TNFRSF21: variants seen among roughly 807,000 people sequenced by gnomAD.
TNFRSF21 encodes the protein TNF receptor superfamily member 21, also known as tumor necrosis factor receptor superfamily member 21.
In TNFRSF21, 19 loss-of-function variants were observed where a neutral mutation model predicts 45.6. The ratio of observed to expected loss-of-function variants is 0.42; its 90% CI spans 0.29 to 0.61. The LOEUF is 0.61. Ranked by LOEUF, TNFRSF21 falls within the 20% of genes least tolerant of loss-of-function variation. TNFRSF21 has a pLI of 0.23. For synonymous variants in TNFRSF21, 314 were observed against 335.5 expected (o/e 0.94, Z 0.70); for missense variants, 737 against 851.5 (o/e 0.87, Z 1.67).
At position 47,286,385 on chromosome 6, in the gene TNFRSF21, T is replaced by G; in HGVS notation, c.307A>C (p.Ile103Leu). 1 of 1,614,240 alleles carries G rather than the reference T, an allele frequency of 6.2e-7. No individual in the cohort carries two copies. Among genetic ancestry groups the G allele is most frequent in the Non-Finnish European group, 8.5e-7 (1 of 1,180,044 alleles). Residue 103 changes from isoleucine to leucine, a missense_variant, in exon 2 of 6, where the codon ATA becomes CTA. By Grantham distance (5) the Ile-to-Leu change is conservative. Coordinates refer to ENST00000296861, the MANE Select transcript of TNFRSF21 (RefSeq NM_014452.5). ...TGACTACAGTCATGGCATTTCTCTA[T>G]GCCATTCTCATGCCTGGTAAAGGTC... ...VGTFTRHENG[I>L]EKCHDCSQPC...
In TNFRSF21 at chr6:47,294,138, T is replaced by TTTTTG. The variant is rs749335487; in HGVS notation, c.97-7548_97-7544dup. On this transcript the variant is annotated intron_variant, in intron 1 of 5. Transcript: ENST00000296861. ...GGTTGCTAAAGATGAGTGCACAGGT[T>TTTTTG]TTTTGTTTTGTTTTGTTTTGTTTTG... 5.3e-5 allele frequency among the ~76,000 whole-genome samples: 8 copies of TTTTTG among 152,038 alleles called. No individual in the cohort carries two copies. In the South Asian group the frequency reaches 6.2e-4, roughly 12 times the overall value.
intron 1 of TNFRSF21, among the ~76,000 whole-genome samples, chr6:47,302,028 G>T (rs1471110371): frequency 6.6e-6 from 1 of 152,128 alleles, no homozygotes; most frequent in East Asian, 1.9e-4. Flanking sequence ...CAATGGTCTT[G>T]TCCCAAAGGT....
At chr6:47,244,674 G>A (rs1764799703) in intron 4 of TNFRSF21, among the ~76,000 whole-genome samples, 1 of 152,088 alleles carries the variant, frequency 6.6e-6, no homozygotes, top group South Asian at 2.1e-4. Context: ...ATTTCAGCCT[G>A]TCCTGTGAAA....
chr6:47,270,247 G>T (rs1014830640), intron 3 of TNFRSF21, among the ~76,000 whole-genome samples: 1 of 152,130 alleles, frequency 6.6e-6, no homozygotes, highest in Non-Finnish European at 1.5e-5. Flanking sequence ...GGGGCCAACA[G>T]ACACCTCATA....
chr6:47,244,034 T>C (rs1446539938), intron 4 of TNFRSF21, among the ~76,000 whole-genome samples: 1 of 152,178 alleles, frequency 6.6e-6, no homozygotes, highest in Admixed American at 6.5e-5. Flanking sequence ...GTTTAAAAAG[T>C]CTTCAGGCTG....
intron 3 of TNFRSF21, among the ~76,000 whole-genome samples, chr6:47,282,121 C>T (rs1448505961): frequency 6.6e-6 from 1 of 152,142 alleles, no homozygotes; most frequent in African/African-American, 2.4e-5. Context: ...CAAGGTGGCT[C>T]ACACCTGTAA....
intron 3 of TNFRSF21, among the ~76,000 whole-genome samples, chr6:47,263,850 T>C (rs183461190): frequency 2.6e-5 from 4 of 152,250 alleles, no homozygotes; most frequent in Admixed American, 6.5e-5. Flanking sequence ...AAGAGTGGTA[T>C]GTCTCACAAT....
chr6:47,247,874 T>C (rs933769405), intron 4 of TNFRSF21, among the ~76,000 whole-genome samples: 3 of 152,210 alleles, frequency 2.0e-5, no homozygotes, highest in African/African-American at 7.2e-5. Flanking sequence ...AATTCTATTA[T>C]ATAGAAATCA....
rs185742668 is a variant in TNFRSF21, at chr6:47,255,329, T to G, written c.1244-1808A>C. On this transcript the variant is annotated intron_variant, in intron 3 of 5. Coordinates refer to ENST00000296861, the MANE Select transcript of TNFRSF21 (RefSeq NM_014452.5). ...TTGGTGTCTCTCTGTTTATGGCGTC[T>G]TCTCTCTGCAATTACACATTGGCTT... Among the ~76,000 whole-genome samples the G allele has an allele frequency of 3.2e-4, 49 of 152,376 alleles. 1 individual carries two copies. The East Asian group carries it at 8.9e-3, about 28-fold the overall frequency.
In TNFRSF21 at chr6:47,245,078, T is replaced by C. The variant is rs541440827; in HGVS notation, c.1509+8178A>G. Among the ~76,000 whole-genome samples the C allele has an allele frequency of 2.0e-5, 3 of 152,300 alleles. No individual in the cohort carries two copies. The East Asian group carries it at 5.8e-4, about 29-fold the overall frequency. ...TTCTGATTTCCTCCCAATGCACTTT[T>C]TGAGAAAGCCAGGAAGGGTGTAGAT... On this transcript the variant is annotated intron_variant, in intron 4 of 5. Coordinates refer to ENST00000296861, the MANE Select transcript of TNFRSF21 (RefSeq NM_014452.5).
At chr6:47,237,714 C>G (rs188548516) in intron 4 of TNFRSF21, among the ~76,000 whole-genome samples, 6 of 152,242 alleles carry the variant, frequency 3.9e-5, no homozygotes, top group Non-Finnish European at 5.9e-5. Context: ...CACGGTGACT[C>G]ACACCTATTT....
Position 47,253,478 on chromosome 6 carries a change from C to T in TNFRSF21, c.1287G>A (p.Gln429=). Residue 429 remains glutamine, a synonymous_variant, in exon 4 of 6, where the codon CAG becomes CAA. Coordinates refer to ENST00000296861, the MANE Select transcript of TNFRSF21 (RefSeq NM_014452.5). The part of the protein sequence containing the change: ...LKLVAAQVGS[Q]WKDIYQFLCN... ...AAAGAAACTGATAGATATCTTTCCACTGGCTTCCCACTTGGGCTGCTACAA... is the reference window on the plus strand; with the variant it reads ...AAAGAAACTGATAGATATCTTTCCATTGGCTTCCCACTTGGGCTGCTACAA... 1 of 1,613,742 alleles carries T rather than the reference C, an allele frequency of 6.2e-7. No homozygotes were observed.
rs34093099 is a variant in TNFRSF21, at chr6:47,232,624, AACACACACACAC to A, written c.*129_*140del. 46 of 563,296 alleles carry A rather than the reference AACACACACACAC, an allele frequency of 8.2e-5. No homozygotes were observed. Among genetic ancestry groups the A allele is most frequent in the South Asian group, 1.2e-4 (5 of 43,246 alleles). 34.9% of individuals were successfully genotyped at this position (563,296 alleles called of 1,614,324 possible). ...CAAGCACTGGCCATATTCTCTGTTA[AACACACACACAC>A]ACACACACACACACACACACACAAA... On this transcript the variant is annotated 3_prime_UTR_variant, in exon 6 of 6. Transcript: ENST00000296861.
At chr6:47,260,793 G>T (rs369593979) in intron 3 of TNFRSF21, among the ~76,000 whole-genome samples, 2 of 152,280 alleles carry the variant, frequency 1.3e-5, no homozygotes, top group East Asian at 3.9e-4. Context: ...TGCAGAATGG[G>T]TGCATCTAAG....
rs1284981088 is a variant in TNFRSF21 at position 47,253,364 on chromosome 6, G to A, written c.1401C>T (p.Thr467=). The change falls in exon 4 of 6, where the codon ACC becomes ACT. Residue 467 remains threonine, a synonymous_variant. Coordinates refer to ENST00000296861, the MANE Select transcript of TNFRSF21 (RefSeq NM_014452.5). The part of the protein sequence containing the change: ...ERAYAALQHW[T]IRGPEASLAQ... Reference sequence around the variant, plus strand: ...CGAGGCTGGCCTCGGGGCCCCGGATGGTCCAGTGCTGCAGAGCTGCGTAGG... The same window carrying A: ...CGAGGCTGGCCTCGGGGCCCCGGATAGTCCAGTGCTGCAGAGCTGCGTAGG... 5.6e-6 allele frequency: 9 copies of A among 1,613,942 alleles called. No individual in the cohort carries two copies. The highest frequency in any genetic ancestry group is 7.6e-6 in the Non-Finnish European group (9 of 1,180,010).
At chr6:47,243,265 T>C (rs970543025) in intron 4 of TNFRSF21, among the ~76,000 whole-genome samples, 85 of 152,276 alleles carry the variant, frequency 5.6e-4, no homozygotes, top group African/African-American at 2.0e-3. Flanking sequence ...CAATATACTC[T>C]TCCAGAGATA....
intron 1 of TNFRSF21, among the ~76,000 whole-genome samples, chr6:47,286,938 G>A (rs779742386): frequency 9.2e-5 from 14 of 152,144 alleles, no homozygotes; most frequent in Non-Finnish European, 1.3e-4. Flanking sequence ...ACACTTTGTA[G>A]CTGAGATTTA....
In TNFRSF21 at chr6:47,255,748, C is replaced by A. The variant is rs557839570; in HGVS notation, c.1244-2227G>T. ...AAAGTGCTGGGATTACAGGCGTGAGCCACCATGCCTGGCCAATATCATGTC... is the reference window on the plus strand; with the variant it reads ...AAAGTGCTGGGATTACAGGCGTGAGACACCATGCCTGGCCAATATCATGTC... On this transcript the variant is annotated intron_variant, in intron 3 of 5. Coordinates refer to ENST00000296861, the MANE Select transcript of TNFRSF21 (RefSeq NM_014452.5). Among the ~76,000 whole-genome samples, 3 of 152,284 alleles carry A rather than the reference C, an allele frequency of 2.0e-5. No individual in the cohort carries two copies. The East Asian group carries it at 5.8e-4, about 29-fold the overall frequency.
intron 4 of TNFRSF21, among the ~76,000 whole-genome samples, chr6:47,250,208 G>A (rs1162258832): frequency 6.6e-6 from 1 of 152,166 alleles, no homozygotes; most frequent in Admixed American, 6.5e-5. Flanking sequence ...GATGGGAAAA[G>A]AGATAACATA....
Sources: allele counts gnomAD v4.1 joint callset (sites outside exome capture counted in the v4.1 genomes callset), GRCh38; gene constraint gnomAD v4.1.1; transcripts MANE v1.5; gene names NCBI Gene and HGNC (gene_info 2026-07-23, HGNC 2026-07-21).